Variants in KCNMB2 observed in about 807,000 individuals in gnomAD.
KCNMB2 encodes the protein calcium-activated potassium channel subunit beta-2.
KCNMB2 carries 9 observed loss-of-function variants against 24.5 expected under a neutral mutation model. The ratio of observed to expected loss-of-function variants is 0.37; its 90% CI spans 0.22 to 0.64. KCNMB2 has a LOEUF of 0.64. Ranked by LOEUF, KCNMB2 falls within the 30% of genes least tolerant of loss-of-function variation. The pLI, the probability that KCNMB2 is intolerant of heterozygous loss-of-function variation, is 0.63. For synonymous variants in KCNMB2, 109 were observed against 104.4 expected, an observed-to-expected ratio of 1.04 and a Z score of -0.27; for missense variants, 226 against 284.3, an observed-to-expected ratio of 0.79 and a Z score of 1.47.
intron 4 of KCNMB2, among the ~76,000 whole-genome samples, chr3:178,834,851 G>T (rs1715167174): frequency 6.6e-6 from 1 of 152,008 alleles, no homozygotes; most frequent in Non-Finnish European, 1.5e-5. Context: ...GGGCACCTTT[G>T]TGTATAAGTA....
chr3:178,809,616 GA>G (rs1177207219), intron 2 of KCNMB2, among the ~76,000 whole-genome samples: 1 of 152,136 alleles, frequency 6.6e-6, no homozygotes, highest in Non-Finnish European at 1.5e-5. Flanking sequence ...TATTTGGAGT[GA>G]TAGTGAACAG....
At position 178,640,547 on chromosome 3, in the gene KCNMB2, C is replaced by T. The variant is rs550349948; in HGVS notation, c.-68+103836C>T. ...TTTGACATGAGATTTGGGTGGGGAC[C>T]CAGAGCCAAACCATATCACTAAGTC... On this transcript the variant is annotated intron_variant, in intron 1 of 4. Coordinates refer to ENST00000452583, the MANE Select transcript of KCNMB2 (RefSeq NM_181361.3). Among the ~76,000 whole-genome samples, 13 of 152,182 alleles carry T rather than the reference C, an allele frequency of 8.5e-5. No homozygotes were observed. In the South Asian group the frequency reaches 2.3e-3, roughly 27 times the overall value.
At chr3:178,639,436 A>C (rs1224749471) in intron 1 of KCNMB2, among the ~76,000 whole-genome samples, 1 of 152,206 alleles carries the variant, frequency 6.6e-6, no homozygotes, top group African/African-American at 2.4e-5. Context: ...ACAAGGATTA[A>C]ATCCTTCCTC....
chr3:178,617,364 C>T (rs1322575771), intron 1 of KCNMB2, among the ~76,000 whole-genome samples: 1 of 150,754 alleles, frequency 6.6e-6, no homozygotes, highest in Non-Finnish European at 1.5e-5. Context: ...CGAGACCATC[C>T]TGGCTAACAT....
intron 1 of KCNMB2, among the ~76,000 whole-genome samples, chr3:178,785,445 A>G (rs1335650479): frequency 1.3e-5 from 2 of 152,068 alleles, no homozygotes; most frequent in Non-Finnish European, 2.9e-5. Flanking sequence ...TATTAAAAAT[A>G]TAGTATTACA....
chr3:178,764,089 C>T (rs1194719235), intron 1 of KCNMB2, among the ~76,000 whole-genome samples: 6 of 152,152 alleles, frequency 3.9e-5, no homozygotes, highest in East Asian at 1.9e-4. Context: ...TTATTTGATT[C>T]GTAGTCTACT....
chr3:178,782,658 T>C (rs1712909530), intron 1 of KCNMB2, among the ~76,000 whole-genome samples: 1 of 149,632 alleles, frequency 6.7e-6, no homozygotes, highest in South Asian at 2.2e-4. Context: ...TTCTTGTAAA[T>C]TTGTTTGAGT....
chr3:178,584,651 A>T (rs1468827592), intron 1 of KCNMB2, among the ~76,000 whole-genome samples: 2 of 152,180 alleles, frequency 1.3e-5, no homozygotes, highest in African/African-American at 2.4e-5. Flanking sequence ...CAGAGGAAAA[A>T]TAAAGCCTAT....
At chr3:178,618,795 T>G (rs7652385) in intron 1 of KCNMB2, among the ~76,000 whole-genome samples, 66,822 of 152,110 alleles carry the variant, frequency 0.44, 17,830 homozygotes, top group African/African-American at 0.76. Flanking sequence ...ATTTAAAAAG[T>G]AATGTGAATT....
At chr3:178,742,861 C>T (rs922786426) in intron 1 of KCNMB2, among the ~76,000 whole-genome samples, 2 of 152,064 alleles carry the variant, frequency 1.3e-5, no homozygotes, top group Non-Finnish European at 2.9e-5. Flanking sequence ...GTACACTGGC[C>T]AATAAATATG....
intron 1 of KCNMB2, among the ~76,000 whole-genome samples, chr3:178,755,584 G>C (rs975917497): frequency 6.6e-6 from 1 of 152,054 alleles, no homozygotes; most frequent in Non-Finnish European, 1.5e-5. Flanking sequence ...TTTTGGTTTT[G>C]CCCAAATTAT....
intron 1 of KCNMB2, among the ~76,000 whole-genome samples, chr3:178,655,299 AAG>A (rs778512873): frequency 2.1e-4 from 32 of 152,260 alleles, no homozygotes; most frequent in Non-Finnish European, 2.8e-4. Context: ...ATGTGTTAGT[AAG>A]AGTTTACCCA....
intron 4 of KCNMB2, among the ~76,000 whole-genome samples, chr3:178,840,157 T>C (rs892964616): frequency 1.3e-5 from 2 of 152,190 alleles, no homozygotes; most frequent in Non-Finnish European, 2.9e-5. Flanking sequence ...GTCCAAAACC[T>C]GGACAGGCAG....
In KCNMB2 at chr3:178,781,782, C is replaced by T. The variant is rs902165760; in HGVS notation, c.-67-25561C>T. Among the ~76,000 whole-genome samples, 12 of 151,138 alleles carry T rather than the reference C, an allele frequency of 7.9e-5. No homozygotes were observed. The South Asian group carries it at 8.4e-4, about 11-fold the overall frequency. On this transcript the variant is annotated intron_variant, in intron 1 of 4. Coordinates refer to ENST00000452583, the MANE Select transcript of KCNMB2 (RefSeq NM_181361.3). ...CACCTGACACTTTCTAACATGAAAC[C>T]GCTTTTTTTTTTCTTTTTTTATTAT...
chr3:178,720,540 C>T lies in KCNMB2; in HGVS notation c.-67-86803C>T, dbSNP rs549262388. ...CAAATGGTATTTCTAGTTCTAGATC[C>T]CTGAGGAATCGCCACACTGACTTCC... is the stretch of plus-strand genomic sequence containing the variant. On this transcript the variant is annotated intron_variant, in intron 1 of 4. Transcript: ENST00000452583. Among the ~76,000 whole-genome samples the T allele has an allele frequency of 7.1e-4, 84 of 118,198 alleles. 1 individual carries two copies. The East Asian group carries it at 0.016, about 22-fold the overall frequency. The allele number at this position is 118,198 out of a possible 152,430, so 77.5% of individuals were successfully genotyped here.
chr3:178,828,366 A>G lies in KCNMB2; in HGVS notation c.416A>G (p.Asn139Ser), dbSNP rs1447349369. ...CACACAGAAGAGACAATAAAAATCA[A>G]TCAGAAGGTAGGAACTTGGCGTACT... ...LYHTEETIKINQKCSYIPKCG... is the reference protein window; with the variant it reads ...LYHTEETIKISQKCSYIPKCG... The change falls in exon 4 of 5, where the codon AAT (asparagine) becomes AGT (serine). Residue 139 changes from asparagine to serine, a missense_variant. Transcript: ENST00000452583. The G allele has an allele frequency of 3.7e-6, 6 of 1,612,490 alleles. No individual in the cohort carries two copies. The African/African-American group carries it at 5.3e-5, about 14-fold the overall frequency.
rs75209809 is a variant in KCNMB2, at chr3:178,628,873, G to T, written c.-68+92162G>T. Among the ~76,000 whole-genome samples, 883 of 152,224 alleles carry T rather than the reference G, an allele frequency of 5.8e-3. 17 individuals are homozygous for T. Among genetic ancestry groups the T allele is most frequent in the Non-Finnish European group, 5.2e-3 (356 of 68,004 alleles). On this transcript the variant is annotated intron_variant, in intron 1 of 4. Transcript: ENST00000452583. ...TTATAGCCATTATATTTATATCTAAGAAAACACATACTTGGTTTTAAATTG... is the reference window on the plus strand; with the variant it reads ...TTATAGCCATTATATTTATATCTAATAAAACACATACTTGGTTTTAAATTG...
chr3:178,697,540 G>A (rs1721924905), intron 1 of KCNMB2, among the ~76,000 whole-genome samples: 1 of 152,110 alleles, frequency 6.6e-6, no homozygotes, highest in Non-Finnish European at 1.5e-5. Flanking sequence ...CAGCCCAATG[G>A]GTCTTAGTTC....
chr3:178,621,128 G>A (rs1416888257), intron 1 of KCNMB2, among the ~76,000 whole-genome samples: 1 of 152,150 alleles, frequency 6.6e-6, no homozygotes, highest in Non-Finnish European at 1.5e-5. Flanking sequence ...GTACAAACAG[G>A]AAGAATAATT....
Sources: allele counts gnomAD v4.1 joint callset (sites outside exome capture counted in the v4.1 genomes callset), GRCh38; gene constraint gnomAD v4.1.1; transcripts MANE v1.5; gene names NCBI Gene and HGNC (gene_info 2026-07-23, HGNC 2026-07-21).